The following NBAS variants were observed in gnomAD, a reference collection of about 807,000 sequenced individuals.
NBAS encodes the protein NAG/BC035112 fusion.
In NBAS, 219 loss-of-function variants were observed where a neutral mutation model predicts 302.5. That is an observed-to-expected ratio of 0.72 (90% confidence interval 0.65 to 0.81). The LOEUF is 0.81. NBAS is among the 30% of genes least tolerant of loss of function. The pLI is 0.00. For missense variants in NBAS, 2,932 were observed against 2,841.6 expected, an observed-to-expected ratio of 1.03 and a Z score of -0.72; for synonymous variants, 1,118 against 1,021.6, an observed-to-expected ratio of 1.09 and a Z score of -1.80.
At chr2:15,139,891 C>T in the NBAS span, among the ~76,000 whole-genome samples, 1 of 152,168 alleles carries the variant, frequency 6.6e-6, no homozygotes, top group Non-Finnish European at 1.5e-5. Flanking sequence ...TCAAATACAG[C>T]CGCAGTAACA....
chr2:15,345,816 C>A (rs553885916), intron 35 of NBAS, among the ~76,000 whole-genome samples: 1 of 152,168 alleles, frequency 6.6e-6, no homozygotes, highest in South Asian at 2.1e-4. Flanking sequence ...ACATATAGAC[C>A]AAAGGAACAG....
At chr2:15,009,791 C>T in the NBAS span, among the ~76,000 whole-genome samples, 1 of 151,150 alleles carries the variant, frequency 6.6e-6, no homozygotes, top group Admixed American at 6.6e-5. Context: ...GTGTCAGTTT[C>T]CCATAGAGCG....
intron 20 of NBAS, 67 bp downstream of exon 20, chr2:15,461,620 C>T: frequency 3.0e-6 from 3 of 986,138 alleles, no homozygotes; most frequent in Non-Finnish European, 4.7e-6. Flanking sequence ...ATAACATTAA[C>T]TGCACAGCTC....
chr2:15,271,436 T>C (rs184576093), intron 44 of NBAS, among the ~76,000 whole-genome samples: 197 of 152,302 alleles, frequency 1.3e-3, no homozygotes, highest in African/African-American at 4.3e-3. Flanking sequence ...TGGTTTACGA[T>C]GGCAATGAAT....
chr2:15,129,978 T>C, the NBAS span, among the ~76,000 whole-genome samples: 2 of 152,202 alleles, frequency 1.3e-5, no homozygotes, highest in South Asian at 2.1e-4. Context: ...TGTACATTCA[T>C]GATGTTGCGC....
chr2:15,070,159 C>T, the NBAS span, among the ~76,000 whole-genome samples: 12 of 152,318 alleles, frequency 7.9e-5, no homozygotes, highest in South Asian at 2.5e-3. Context: ...TGCTCCCATT[C>T]TAGGGCAACA....
At chr2:15,250,604 A>C (rs1668318365) in intron 44 of NBAS, among the ~76,000 whole-genome samples, 1 of 152,226 alleles carries the variant, frequency 6.6e-6, no homozygotes, top group South Asian at 2.1e-4. Context: ...AAAAAACTTA[A>C]GCAAATTTAC....
At chr2:15,123,951 A>T in the NBAS span, among the ~76,000 whole-genome samples, 1 of 152,214 alleles carries the variant, frequency 6.6e-6, no homozygotes, top group African/African-American at 2.4e-5. Flanking sequence ...AGGCTAGAAG[A>T]GTTTGGAAGG....
chr2:15,090,479 G>T, the NBAS span, among the ~76,000 whole-genome samples: 27 of 152,106 alleles, frequency 1.8e-4, no homozygotes, highest in Non-Finnish European at 3.5e-4. Flanking sequence ...GCTTGAGCAA[G>T]CTATAAAAAT....
chr2:15,374,088 A>C (rs1674615241), intron 31 of NBAS, among the ~76,000 whole-genome samples: 1 of 152,240 alleles, frequency 6.6e-6, no homozygotes, highest in Non-Finnish European at 1.5e-5. Flanking sequence ...ATTCAAATAA[A>C]AGAAGTTGAG....
At chr2:15,363,392 TC>T (rs1674036273) in intron 32 of NBAS, among the ~76,000 whole-genome samples, 2 of 152,192 alleles carry the variant, frequency 1.3e-5, no homozygotes, top group South Asian at 4.1e-4. Flanking sequence ...TGTTATCAGA[TC>T]AATTAATTTT....
downstream of NBAS, among the ~76,000 whole-genome samples, chr2:15,163,119 A>G (rs1320599285): frequency 1.3e-5 from 2 of 152,234 alleles, no homozygotes; most frequent in Non-Finnish European, 2.9e-5. Context: ...CTGCAGGTTC[A>G]AGAAGCAATG....
the NBAS span, among the ~76,000 whole-genome samples, chr2:15,022,304 C>T: frequency 6.6e-6 from 1 of 152,142 alleles, no homozygotes; most frequent in Non-Finnish European, 1.5e-5. Context: ...TCTTTCTCTT[C>T]CTCTCAATGA....
chr2:14,987,527 C>T, the NBAS span, among the ~76,000 whole-genome samples: 78 of 151,686 alleles, frequency 5.1e-4, no homozygotes, highest in African/African-American at 1.7e-3. Context: ...AAGGTACCAC[C>T]TTAGACATTA....
At chr2:15,063,479 A>AT in the NBAS span, among the ~76,000 whole-genome samples, 1 of 151,512 alleles carries the variant, frequency 6.6e-6, no homozygotes, top group Non-Finnish European at 1.5e-5. Flanking sequence ...TGATCATCAC[A>AT]TTTTTCACAA....
intron 11 of NBAS, among the ~76,000 whole-genome samples, chr2:15,492,141 T>C (rs1275920816): frequency 6.6e-6 from 1 of 152,218 alleles, no homozygotes; most frequent in Admixed American, 6.5e-5. Flanking sequence ...GTATAATAAA[T>C]ATCCACATAC....
intron 11 of NBAS, among the ~76,000 whole-genome samples, chr2:15,502,160 A>G (rs1661599471): frequency 6.6e-6 from 1 of 152,200 alleles, no homozygotes; most frequent in Non-Finnish European, 1.5e-5. Context: ...CTGACACTGG[A>G]TAAGTGAGTT....
chr2:15,004,115 A>G, the NBAS span, among the ~76,000 whole-genome samples: 1 of 152,222 alleles, frequency 6.6e-6, no homozygotes, highest in Admixed American at 6.5e-5. Flanking sequence ...TTATCTTCAC[A>G]AATTGGATTC....
chr2:14,953,538 G>A, the NBAS span, among the ~76,000 whole-genome samples: 1 of 152,174 alleles, frequency 6.6e-6, no homozygotes. Flanking sequence ...TAGCCCCATG[G>A]AGTGGTGGAT....
Sources: gnomAD v4.1 joint callset for allele counts (sites outside exome capture counted in the v4.1 genomes callset) on GRCh38, gnomAD v4.1.1 for gene constraint, MANE v1.5 for transcripts, NCBI Gene and HGNC (gene_info 2026-07-23, HGNC 2026-07-21) for gene names.